The following LRRC37A2 variants were observed in gnomAD, a reference collection of about 807,000 sequenced individuals.
The protein encoded by LRRC37A2 is leucine-rich repeat-containing protein 37A2.
LRRC37A2 carries 9 observed loss-of-function variants against 68.8 expected under a neutral mutation model. The observed-to-expected ratio is 0.13, with a 90% CI of 0.08 to 0.23. LRRC37A2 has a LOEUF of 0.23. Among genes scored for constraint, LRRC37A2 ranks in the 10% least tolerant of loss-of-function variants. The pLI, the probability that LRRC37A2 is intolerant of heterozygous loss-of-function variation, is 1.00. For missense variants in LRRC37A2, 168 were observed against 950.4 expected, an observed-to-expected ratio of 0.18 and a Z score of 10.82; for synonymous variants, 63 against 367.6, an observed-to-expected ratio of 0.17 and a Z score of 9.48.
At chr17:46,759,946 C>G in the LRRC37A2 span, among the ~76,000 whole-genome samples, 1 of 152,168 alleles carries the variant, frequency 6.6e-6, no homozygotes, top group African/African-American at 2.4e-5. Context: ...TGTTCAAGCA[C>G]AGCTATCAAC....
At chr17:46,753,542 C>G in the LRRC37A2 span, among the ~76,000 whole-genome samples, 1 of 151,754 alleles carries the variant, frequency 6.6e-6, no homozygotes, top group Non-Finnish European at 1.5e-5. Context: ...GGTGTATTGG[C>G]TCTTTCCTTG....
chr17:46,599,370 TA>T, the LRRC37A2 span, among the ~76,000 whole-genome samples: 46 of 59,690 alleles, frequency 7.7e-4, no homozygotes, highest in Non-Finnish European at 9.4e-4. Flanking sequence ...ATTTCCAACT[TA>T]TTTTTTTTTA....
chr17:46,933,565 G>T, the LRRC37A2 span: 1 of 151,284 alleles, frequency 6.6e-6, no homozygotes, highest in African/African-American at 2.4e-5. Flanking sequence ...TGTTAGCAGG[G>T]GCAGTTGAAA....
At chr17:46,492,353 A>G in the LRRC37A2 span, among the ~76,000 whole-genome samples, 9 of 151,038 alleles carry the variant, frequency 6.0e-5, no homozygotes, top group Non-Finnish European at 1.3e-4. Flanking sequence ...TTGTTGTATC[A>G]GTAGTTTCTT....
chr17:46,557,783 AAAG>A (rs1458201585), downstream of LRRC37A2, among the ~76,000 whole-genome samples: 2 of 64,698 alleles, frequency 3.1e-5, no homozygotes, highest in Non-Finnish European at 2.6e-5. Context: ...AGGCTTTGCA[AAAG>A]AAGAAGGTGG....
chr17:46,934,355 G>GAGAA, the LRRC37A2 span, among the ~76,000 whole-genome samples: 15 of 152,192 alleles, frequency 9.9e-5, no homozygotes, highest in Middle Eastern at 3.4e-3. Context: ...ATACAAAAAA[G>GAGAA]AGAAAGAAAG....
chr17:46,781,652 G>A, the LRRC37A2 span, among the ~76,000 whole-genome samples: 4 of 152,102 alleles, frequency 2.6e-5, no homozygotes, highest in African/African-American at 4.8e-5. Context: ...GAAAACAGAC[G>A]GTGGTGATGG....
At chr17:46,756,046 T>C in the LRRC37A2 span, 2 of 523,744 alleles carry the variant, frequency 3.8e-6, no homozygotes, top group Admixed American at 7.2e-5. Context: ...AATGCTGCGC[T>C]TACCTTCCCA....
chr17:46,770,525 C>A, the LRRC37A2 span, among the ~76,000 whole-genome samples: 1 of 152,142 alleles, frequency 6.6e-6, no homozygotes. Flanking sequence ...CCCAGGCCCA[C>A]CCCTTCCGCA....
chr17:46,679,054 T>G, the LRRC37A2 span, among the ~76,000 whole-genome samples: 1 of 151,976 alleles, frequency 6.6e-6, no homozygotes, highest in Admixed American at 6.5e-5. Context: ...GTGATTCCAT[T>G]TATAGAGAGC....
the LRRC37A2 span, among the ~76,000 whole-genome samples, chr17:46,798,074 G>A: frequency 7.9e-5 from 12 of 152,036 alleles, no homozygotes; most frequent in East Asian, 3.9e-4. Context: ...GACCACAGGC[G>A]TGTGCTAACA....
At chr17:46,767,877 C>T in the LRRC37A2 span, among the ~76,000 whole-genome samples, 1 of 152,052 alleles carries the variant, frequency 6.6e-6, no homozygotes, top group African/African-American at 2.4e-5. Context: ...CAACCTCTGT[C>T]GCCCAGGTTC....
the LRRC37A2 span, among the ~76,000 whole-genome samples, chr17:46,989,963 A>T: frequency 6.6e-6 from 1 of 152,378 alleles, no homozygotes; most frequent in East Asian, 1.9e-4. Context: ...AATCATGAGA[A>T]ATAATTAAAT....
At chr17:46,558,893 G>C (rs2667909), downstream of LRRC37A2, 24 of 99,806 alleles carry the variant, frequency 2.4e-4, 2 homozygotes, top group Admixed American at 2.4e-4. Flanking sequence ...GCCCAGGCTG[G>C]TTTTGAACTC....
At chr17:46,940,583 C>G in the LRRC37A2 span, 2 of 1,614,184 alleles carry the variant, frequency 1.2e-6, no homozygotes, top group Non-Finnish European at 1.7e-6. Context: ...AGACAGCACA[C>G]TTTGGAGGAA....
chr17:46,983,289 C>CTTTTTTTTTTTTTTTTTT, the LRRC37A2 span, among the ~76,000 whole-genome samples: 1 of 76,848 alleles, frequency 1.3e-5, no homozygotes, highest in African/African-American at 5.1e-5. Flanking sequence ...GCCCTTTCTT[C>CTTTTTTTTTTTTTTTTTT]TTTTTTTTTT....
At chr17:47,003,775 G>GTT in the LRRC37A2 span, among the ~76,000 whole-genome samples, 6 of 152,014 alleles carry the variant, frequency 3.9e-5, no homozygotes. Flanking sequence ...CAATGTGCAG[G>GTT]TTTGTTACAT....
the LRRC37A2 span, among the ~76,000 whole-genome samples, chr17:47,000,092 AAAAT>A: frequency 6.2e-5 from 4 of 65,026 alleles, no homozygotes; most frequent in Non-Finnish European, 1.0e-4. Context: ...AAAATAAAAT[AAAAT>A]AAAATAAAAT....
the LRRC37A2 span, among the ~76,000 whole-genome samples, chr17:46,899,939 C>T: frequency 1.5e-4 from 23 of 151,646 alleles, no homozygotes; most frequent in South Asian, 6.3e-4. Context: ...AGGGGTACAA[C>T]CTCAGCTCAT....
Sources: allele counts gnomAD v4.1 joint callset (sites outside exome capture counted in the v4.1 genomes callset), GRCh38; gene constraint gnomAD v4.1.1; transcripts MANE v1.5; gene names NCBI Gene and HGNC (gene_info 2026-07-23, HGNC 2026-07-21).